The following BUD31 variants were observed in gnomAD, a reference collection of about 807,000 sequenced individuals.
BUD31 encodes the protein BUD31 spliceosome associated protein.
BUD31 carries 9 observed loss-of-function variants against 17.9 expected under a neutral mutation model. The ratio of observed to expected loss-of-function variants is 0.50; its 90% CI spans 0.30 to 0.88. The LOEUF (loss-of-function observed/expected upper bound fraction) is 0.88, where lower values mean the gene tolerates loss of function less well. BUD31 is among the 40% of genes least tolerant of loss of function. BUD31 has a pLI of 0.06. For synonymous variants in BUD31, 70 were observed against 64.7 expected, an observed-to-expected ratio of 1.08 and a Z score of -0.39; for missense variants, 148 against 184.5, an observed-to-expected ratio of 0.80 and a Z score of 1.15.
chr7:99,419,416 G>T lies in BUD31; in HGVS notation c.410G>T (p.Cys137Phe). 1 of 1,612,958 alleles carries T rather than the reference G, an allele frequency of 6.2e-7. No individual in the cohort carries two copies. Among genetic ancestry groups the T allele is most frequent in the Non-Finnish European group, 8.5e-7 (1 of 1,180,006 alleles). Residue 137 changes from cysteine (C) to phenylalanine (F), a missense_variant, in exon 6 of 6, where the codon TGT becomes TTT. Physicochemically the swap from Cys to Phe is radical, Grantham distance 205. Transcript: ENST00000222969. Reference sequence around the variant, plus strand: ...GGCCGCATCATCGAGTGCACACACTGTGGCTGTCGTGGCTGCTCTGGCTGA... The same window carrying T: ...GGCCGCATCATCGAGTGCACACACTTTGGCTGTCGTGGCTGCTCTGGCTGA... ...EVGRIIECTH[C>F]GCRGCSG
chr7:99,417,717 G>A, intron 5 of BUD31, 122 bp downstream of exon 5: 1 of 1,541,344 alleles, frequency 6.5e-7, no homozygotes, highest in Non-Finnish European at 8.7e-7. Flanking sequence ...ATGTCCTGCT[G>A]GCTCTCCCTC....
chr7:99,415,399 ATTG>A (rs758478339), intron 3 of BUD31: 3 of 401,790 alleles, frequency 7.5e-6, no homozygotes, highest in Non-Finnish European at 1.5e-5. Context: ...CTAATTTGCT[ATTG>A]TTATCTAAAA....
rs931795151 is a variant in BUD31, at chr7:99,417,657, C to T, written c.384+62C>T. 4 of 1,595,300 alleles carry T rather than the reference C, an allele frequency of 2.5e-6. No homozygotes were observed. In the South Asian group the frequency reaches 3.3e-5, roughly 13 times the overall value. On this transcript the variant is annotated intron_variant, in intron 5 of 5. Coordinates refer to ENST00000222969, the MANE Select transcript of BUD31 (RefSeq NM_003910.4). Reference sequence around the variant, plus strand: ...CTCAAAATTCTGCCTTAGTCGACTGCAAGGGATCTTATGTTATTTGGTTGG... The same window carrying T: ...CTCAAAATTCTGCCTTAGTCGACTGTAAGGGATCTTATGTTATTTGGTTGG...
At chr7:99,414,446 T>G (rs1795308317) in intron 3 of BUD31, among the ~76,000 whole-genome samples, 1 of 152,208 alleles carries the variant, frequency 6.6e-6, no homozygotes, top group Non-Finnish European at 1.5e-5. Flanking sequence ...TTTATTGAGA[T>G]ATTAATCATA....
In BUD31 at chr7:99,419,466, C is replaced by G; in HGVS notation, c.*25C>G. 1 of 1,609,090 alleles carries G rather than the reference C, an allele frequency of 6.2e-7. No homozygotes were observed. The highest frequency in any genetic ancestry group is 8.5e-7 in the Non-Finnish European group (1 of 1,179,876). On this transcript the variant is annotated 3_prime_UTR_variant, in exon 6 of 6. Transcript: ENST00000222969. ...AGGCTGGCGCGCTCCACCCTGGACT[C>G]TGGACTTCGCAGGTTCCTGCCTGTC...
intron 3 of BUD31, chr7:99,411,687 G>C: frequency 2.2e-6 from 1 of 455,978 alleles, no homozygotes; most frequent in Non-Finnish European, 4.4e-6. Context: ...TCACAGTGTG[G>C]CCACTTACCA....
At chr7:99,409,431 C>T (rs371536603) in intron 1 of BUD31, among the ~76,000 whole-genome samples, 186 bp downstream of exon 1, 3 of 152,106 alleles carry the variant, frequency 2.0e-5, no homozygotes, top group East Asian at 3.9e-4. Context: ...CTCCTACGTC[C>T]TCTTTCTCCT....
At chr7:99,411,235 G>T (rs1220627960) in intron 3 of BUD31, 49 bp downstream of exon 3, 1 of 1,417,432 alleles carries the variant, frequency 7.1e-7, no homozygotes, top group South Asian at 1.2e-5. Flanking sequence ...AGGGTCACAG[G>T]CTTAGATGCC....
At chr7:99,415,132 T>A (rs938670985) in intron 3 of BUD31, 1 of 443,852 alleles carries the variant, frequency 2.3e-6, no homozygotes, top group Non-Finnish European at 4.5e-6. Flanking sequence ...GACAAAGAGA[T>A]AAAAGACAGC....
chr7:99,413,015 C>T (rs534953777), intron 3 of BUD31, among the ~76,000 whole-genome samples: 4 of 152,196 alleles, frequency 2.6e-5, no homozygotes, highest in East Asian at 1.9e-4. Flanking sequence ...TACGAAAGAA[C>T]GAGATCTAAT....
chr7:99,412,155 A>G lies in BUD31; in HGVS notation c.94+969A>G, dbSNP rs534297891. On this transcript the variant is annotated intron_variant, in intron 3 of 5. Coordinates refer to ENST00000222969, the MANE Select transcript of BUD31 (RefSeq NM_003910.4). Reference sequence around the variant, plus strand: ...TTTAAAAAAACTGTTCGTACCAGATAACTTCTATTAAATACTCAGTACTTG... The same window carrying G: ...TTTAAAAAAACTGTTCGTACCAGATGACTTCTATTAAATACTCAGTACTTG... 2.6e-5 allele frequency among the ~76,000 whole-genome samples: 4 copies of G among 152,342 alleles called. No individual in the cohort carries two copies. The South Asian group carries it at 8.3e-4, about 32-fold the overall frequency.
intron 3 of BUD31, chr7:99,411,387 G>GT (rs928821133): frequency 1.8e-3 from 914 of 496,762 alleles, no homozygotes; most frequent in East Asian, 2.2e-3. Context: ...CAGAAAAGGT[G>GT]TTTTTTTTTG....
chr7:99,419,383 C>T lies in BUD31; in HGVS notation c.385-8C>T, dbSNP rs202046955. On this transcript the variant is annotated splice_polypyrimidine_tract_variant and splice_region_variant and intron_variant, in intron 5 of 5. Coordinates refer to ENST00000222969, the MANE Select transcript of BUD31 (RefSeq NM_003910.4). ...GTGGCATCGTCTCACTGTCCTCCTC[C>T]GTTGCAGGGCCGCATCATCGAGTGC... The T allele has an allele frequency of 2.2e-4, 361 of 1,613,002 alleles. 3 individuals carry two copies. Among genetic ancestry groups the T allele is most frequent in the South Asian group, 1.8e-3 (164 of 91,090 alleles).
intron 4 of BUD31, 96 bp from the exon 5 acceptor site, chr7:99,417,332 TG>T: frequency 8.0e-7 from 1 of 1,252,392 alleles, no homozygotes; most frequent in Non-Finnish European, 1.2e-6. Context: ...GGATTACAGG[TG>T]TGAGCCACTG....
At chr7:99,413,506 C>T (rs760405620) in intron 3 of BUD31, among the ~76,000 whole-genome samples, 2 of 152,182 alleles carry the variant, frequency 1.3e-5, no homozygotes, top group Non-Finnish European at 2.9e-5. Flanking sequence ...ATCTGTGGGC[C>T]TAGAATTATC....
At chr7:99,410,258 T>G (rs1795122953) in intron 2 of BUD31, 89 bp downstream of exon 2, 1 of 152,074 alleles carries the variant, frequency 6.6e-6, no homozygotes, top group South Asian at 2.1e-4. Context: ...ACTCCGTCAC[T>G]TAGGCTGGAG....
chr7:99,415,110 A>ATAAAGACACAAGACAAAGAGAT (rs1562831125), intron 3 of BUD31: 6 of 429,858 alleles, frequency 1.4e-5, no homozygotes, highest in African/African-American at 1.0e-4. Flanking sequence ...GAGCGTAGAA[A>ATAAAGACACAAGACAAAGAGAT]TAAAGACACA....
chr7:99,413,124 C>T (rs1202803997), intron 3 of BUD31, among the ~76,000 whole-genome samples: 1 of 152,012 alleles, frequency 6.6e-6, no homozygotes, highest in Non-Finnish European at 1.5e-5. Context: ...TGAATCTTTA[C>T]TACCTGCTTT....
rs371170976 is a variant in BUD31, at chr7:99,415,328, C to CAG, written c.95-798_95-797dup. ...GGCCCTTGCCTGCCTGGCACCAAGG[C>CAG]AGAGAGAGAGAGACAGCTTATGCCA... On this transcript the variant is annotated intron_variant, in intron 3 of 5. Transcript: ENST00000222969. The CAG allele has an allele frequency of 2.5e-5, 11 of 445,174 alleles. 1 individual carries two copies. Among genetic ancestry groups the CAG allele is most frequent in the East Asian group, 2.1e-4 (3 of 14,210 alleles). The allele number at this position is 445,174 out of a possible 1,614,324, so 27.6% of individuals were successfully genotyped here.
Sources: allele counts gnomAD v4.1 joint callset (sites outside exome capture counted in the v4.1 genomes callset), GRCh38; gene constraint gnomAD v4.1.1; transcripts MANE v1.5; gene names NCBI Gene and HGNC (gene_info 2026-07-23, HGNC 2026-07-21).